The following ARHGEF6 variants were observed in gnomAD, a reference collection of about 807,000 sequenced individuals.
ARHGEF6 encodes Rac/Cdc42 guanine nucleotide exchange factor 6, also known as rho guanine nucleotide exchange factor 6.
A neutral mutation model predicts 70.3 loss-of-function variants in ARHGEF6; 9 were observed. The observed-to-expected ratio is 0.13, with a 90% CI of 0.08 to 0.22. ARHGEF6 has a LOEUF of 0.22. Ranked by LOEUF, ARHGEF6 falls within the 10% of genes least tolerant of loss-of-function variation. The probability of loss-of-function intolerance (pLI) is 1.00; values close to 1 mark genes in which losing one functional copy is unlikely to be tolerated. For synonymous variants in ARHGEF6, 201 were observed against 207.8 expected, an observed-to-expected ratio of 0.97 and a Z score of 0.28; for missense variants, 470 against 563.0, an observed-to-expected ratio of 0.83 and a Z score of 1.67.
intron 19 of ARHGEF6, among the ~76,000 whole-genome samples, chrX:136,672,917 T>C (rs2076239934): frequency 8.9e-6 from 1 of 112,076 alleles, no homozygotes. Flanking sequence ...CTGCCTTCAC[T>C]TGACCACCTC....
Position 136,699,459 on chromosome X carries a change from G to C in ARHGEF6, c.1046+7449C>G, listed in dbSNP as rs1169613536. Among the ~76,000 whole-genome samples the C allele has an allele frequency of 2.7e-5, 3 of 111,445 alleles. No individual in the cohort carries two copies. In the South Asian group the frequency reaches 1.1e-3, roughly 42 times the overall value. ...AATCATTAAAGCACTTCTGATTTCA[G>C]CTCTGACATCGAAAGAGCTTGGAAG... On this transcript the variant is annotated intron_variant, in intron 9 of 21. Transcript: ENST00000250617.
intron 2 of ARHGEF6, among the ~76,000 whole-genome samples, chrX:136,756,250 C>G (rs1296674946): frequency 2.7e-5 from 3 of 111,690 alleles, no homozygotes; most frequent in Non-Finnish European, 5.6e-5. Flanking sequence ...CAAAATTAAG[C>G]TCTGTGACCA....
chrX:136,733,237 AT>A (rs1480139522), intron 5 of ARHGEF6, among the ~76,000 whole-genome samples: 14 of 110,985 alleles, frequency 1.3e-4, no homozygotes, highest in African/African-American at 4.6e-4. Flanking sequence ...TTTGGTTTAT[AT>A]TTTAATTTTA....
At chrX:136,756,930 G>T (rs2077212903) in intron 2 of ARHGEF6, among the ~76,000 whole-genome samples, 1 of 112,248 alleles carries the variant, frequency 8.9e-6, no homozygotes, top group East Asian at 2.8e-4. Context: ...CTGTTAGGTG[G>T]GCATTCAGGA....
intron 9 of ARHGEF6, among the ~76,000 whole-genome samples, chrX:136,692,796 A>G (rs973359239): frequency 1.1e-4 from 12 of 111,529 alleles, no homozygotes; most frequent in Non-Finnish European, 2.1e-4. Context: ...GCAGGACAGG[A>G]TTTTGTAAAC....
In ARHGEF6 at chrX:136,666,676, G is replaced by A. The variant is rs1442419773; in HGVS notation, c.*1353C>T. Reference sequence around the variant, plus strand: ...TCTTGTCTTTTGGGGAGGGAGGGGTGAGTGGCACTGAGCCTTAGGCCAACT... The same window carrying A: ...TCTTGTCTTTTGGGGAGGGAGGGGTAAGTGGCACTGAGCCTTAGGCCAACT... On this transcript the variant is annotated 3_prime_UTR_variant, in exon 22 of 22. Coordinates refer to ENST00000250617, the MANE Select transcript of ARHGEF6 (RefSeq NM_004840.3). 1 of 112,197 alleles carries A rather than the reference G, an allele frequency of 8.9e-6. No individual in the cohort carries two copies. The highest frequency in any genetic ancestry group is 1.9e-5 in the Non-Finnish European group (1 of 53,242). The allele number at this position is 112,197 out of a possible 1,213,427, so 9.2% of individuals were successfully genotyped here.
intron 12 of ARHGEF6, among the ~76,000 whole-genome samples, chrX:136,684,118 A>G (rs756321461): frequency 1.7e-3 from 188 of 112,231 alleles, no homozygotes; most frequent in Admixed American, 2.3e-3. Flanking sequence ...GCAAAATCCA[A>G]TGGCTTCCTC....
At chrX:136,669,670 A>G in intron 20 of ARHGEF6, 134 bp from the exon 21 acceptor site, 3 of 523,027 alleles carry the variant, frequency 5.7e-6, no homozygotes, top group East Asian at 3.6e-5. Context: ...TGGGAATGGT[A>G]CTGCTCTAAA....
At chrX:136,767,772 G>C in intron 2 of ARHGEF6, 1 of 755,089 alleles carries the variant, frequency 1.3e-6, no homozygotes, top group Non-Finnish European at 1.6e-6. Context: ...TGGGCCAGCA[G>C]CGGGTAAGCA....
At chrX:136,682,299 CA>C (rs1303319697) in intron 13 of ARHGEF6, among the ~76,000 whole-genome samples, 1 of 112,180 alleles carries the variant, frequency 8.9e-6, no homozygotes, top group Non-Finnish European at 1.9e-5. Context: ...CAAGATGGAA[CA>C]GGCAATAGTA....
At chrX:136,690,389 G>A (rs2076446696) in intron 10 of ARHGEF6, among the ~76,000 whole-genome samples, 1 of 111,003 alleles carries the variant, frequency 9.0e-6, no homozygotes, top group African/African-American at 3.3e-5. Flanking sequence ...AGCGAAAAGG[G>A]AGAATGATCA....
intron 2 of ARHGEF6, among the ~76,000 whole-genome samples, chrX:136,771,019 A>G (rs928862889): frequency 2.7e-5 from 3 of 112,260 alleles, no homozygotes; most frequent in Admixed American, 9.4e-5. Context: ...ATATTTCTAT[A>G]CACTTGCAGT....
At chrX:136,713,015 T>A (rs964364919) in intron 7 of ARHGEF6, among the ~76,000 whole-genome samples, 2 of 110,442 alleles carry the variant, frequency 1.8e-5, no homozygotes, top group Non-Finnish European at 3.8e-5. Flanking sequence ...TTTTTTTTTT[T>A]AATGTACAAG....
At chrX:136,777,667 T>C (rs190773472) in intron 2 of ARHGEF6, among the ~76,000 whole-genome samples, 88 of 110,586 alleles carry the variant, frequency 8.0e-4, no homozygotes, top group African/African-American at 2.7e-3. Flanking sequence ...AGTAGCACAA[T>C]TTGCAATTGC....
At chrX:136,702,536 A>G (rs2076586767) in intron 9 of ARHGEF6, among the ~76,000 whole-genome samples, 1 of 112,592 alleles carries the variant, frequency 8.9e-6, no homozygotes, top group Non-Finnish European at 1.9e-5. Flanking sequence ...AAAGAGATGA[A>G]GAAGGATATA....
In ARHGEF6 at chrX:136,745,328, T is replaced by C; in HGVS notation, c.354A>G (p.Pro118=). ...KATEDQLSER[P]CGRSSSLSAA... is the part of the protein sequence containing the mutation. Reference sequence around the variant, plus strand: ...CACTAAGAGAAGAGGAACGTCCACATGGTCTTTCTGATAGCTGATCTGTGA... The same window carrying C: ...CACTAAGAGAAGAGGAACGTCCACACGGTCTTTCTGATAGCTGATCTGTGA... Residue 118 remains proline (P), a synonymous_variant, in exon 4 of 22, where the codon CCA becomes CCG. Coordinates refer to ENST00000250617, the MANE Select transcript of ARHGEF6 (RefSeq NM_004840.3). The C allele has an allele frequency of 8.3e-7, 1 of 1,211,580 alleles. No homozygotes were observed.
At position 136,681,965 on chromosome X, in the gene ARHGEF6, T is replaced by C. The variant is rs757308541; in HGVS notation, c.1483A>G (p.Lys495Glu). 5.8e-5 allele frequency: 69 copies of C among 1,192,784 alleles called. No individual in the cohort carries two copies. The highest frequency in any genetic ancestry group is 7.7e-5 in the Non-Finnish European group (68 of 879,494). Reference protein sequence around the residue: ...PRMSGFIYQGKIPIAGTVVTR... With the variant: ...PRMSGFIYQGEIPIAGTVVTR... ...ACCACCGTTCCTGCTATTGGTATTT[T>C]TCCCTATTAGAAAAAGAACATTCTC... The change falls in exon 14 of 22, where the codon AAA becomes GAA. Residue 495 changes from lysine to glutamate, a missense_variant. Physicochemically the swap from Lys to Glu is moderately conservative, Grantham distance 56. Around this residue, in one of 3 missense-constraint regions of ARHGEF6, gnomAD observed 379 missense variants for 449.3 expected, o/e 0.84. Coordinates refer to ENST00000250617, the MANE Select transcript of ARHGEF6 (RefSeq NM_004840.3).
At chrX:136,672,587 C>T (rs1359592322) in intron 19 of ARHGEF6, among the ~76,000 whole-genome samples, 2 of 112,204 alleles carry the variant, frequency 1.8e-5, no homozygotes, top group Non-Finnish European at 3.8e-5. Flanking sequence ...TCAGAAGCAT[C>T]ATCACCCCCA....
At chrX:136,682,081 C>T (rs995443387) in intron 13 of ARHGEF6, 113 bp from the exon 14 acceptor site, 2 of 574,688 alleles carry the variant, frequency 3.5e-6, no homozygotes, top group Admixed American at 5.0e-5. Flanking sequence ...ACGTATTTCT[C>T]CAGTCTGTCA....
Sources: gnomAD v4.1 joint callset for allele counts (sites outside exome capture counted in the v4.1 genomes callset) on GRCh38, gnomAD v4.1.1 for gene constraint, gnomAD v4.1.1 regional missense constraint, MANE v1.5 for transcripts, NCBI Gene and HGNC (gene_info 2026-07-23, HGNC 2026-07-21) for gene names.